SORL1: variants seen among roughly 807,000 people sequenced by gnomAD.
SORL1 encodes the protein sortilin related receptor 1.
SORL1 carries 127 observed loss-of-function variants against 273.7 expected under a neutral mutation model. The observed-to-expected ratio is 0.46, with a 90% CI of 0.40 to 0.54. The LOEUF (loss-of-function observed/expected upper bound fraction) is 0.54, where lower values mean the gene tolerates loss of function less well. SORL1 is among the 20% of genes least tolerant of loss of function. The pLI, the probability that SORL1 is intolerant of heterozygous loss-of-function variation, is 0.00. For missense variants in SORL1, 2,494 were observed against 2,846.1 expected, an observed-to-expected ratio of 0.88 and a Z score of 2.81; for synonymous variants, 1,031 against 1,067.4, an observed-to-expected ratio of 0.97 and a Z score of 0.66.
At chr11:121,522,564 G>T in intron 9 of SORL1, 22 bp from the exon 10 acceptor site, 1 of 1,562,114 alleles carries the variant, frequency 6.4e-7, no homozygotes, top group Non-Finnish European at 8.8e-7. Context: ...TGCTGACACT[G>T]CCTGAAACTT....
chr11:121,516,775 C>T (rs970680007), intron 8 of SORL1, among the ~76,000 whole-genome samples: 15 of 152,090 alleles, frequency 9.9e-5, no homozygotes, highest in Middle Eastern at 3.4e-3. Flanking sequence ...ATTTACTGGC[C>T]GGGCATGGTG....
At chr11:121,558,168 G>C (rs1476641990) in intron 19 of SORL1, among the ~76,000 whole-genome samples, 2 of 152,078 alleles carry the variant, frequency 1.3e-5, no homozygotes, top group African/African-American at 2.4e-5. Context: ...ACACACACAT[G>C]CACGCCAAAT....
Position 121,483,286 on chromosome 11 carries a change from G to T in SORL1, c.529-4746G>T, listed in dbSNP as rs578037772. ...AAAAGGACACTGAATGTACAGTTAGGCCTCACAGCCTCAGCCTCAGCAGAA... is the reference window on the plus strand; with the variant it reads ...AAAAGGACACTGAATGTACAGTTAGTCCTCACAGCCTCAGCCTCAGCAGAA... On this transcript the variant is annotated intron_variant, in intron 3 of 47. Coordinates refer to ENST00000260197, the MANE Select transcript of SORL1 (RefSeq NM_003105.6). 4.6e-5 allele frequency among the ~76,000 whole-genome samples: 7 copies of T among 152,262 alleles called. No homozygotes were observed. In the South Asian group the frequency reaches 1.5e-3, roughly 32 times the overall value.
intron 5 of SORL1, among the ~76,000 whole-genome samples, chr11:121,494,241 A>G (rs1444009635): frequency 1.3e-5 from 2 of 152,180 alleles, no homozygotes; most frequent in Admixed American, 1.3e-4. Context: ...GGTTTATCTC[A>G]TTGAAGCTAA....
chr11:121,468,113 G>A (rs1861113054), intron 1 of SORL1, among the ~76,000 whole-genome samples: 1 of 152,176 alleles, frequency 6.6e-6, no homozygotes, highest in Non-Finnish European at 1.5e-5. Flanking sequence ...AAGTTCGAGT[G>A]TGCTGGGGGG....
intron 13 of SORL1, 67 bp from the exon 14 acceptor site, chr11:121,545,176 G>A (rs1167440068): frequency 6.7e-7 from 1 of 1,490,864 alleles, no homozygotes; most frequent in Non-Finnish European, 9.3e-7. Context: ...CAGGCACCTT[G>A]AGGCATAGCA....
chr11:121,521,870 C>T (rs1042638358), intron 9 of SORL1, among the ~76,000 whole-genome samples: 1 of 152,200 alleles, frequency 6.6e-6, no homozygotes, highest in Non-Finnish European at 1.5e-5. Flanking sequence ...GTGCAGAACC[C>T]TGGCCACATC....
In SORL1 at chr11:121,503,152, G is replaced by A. The variant is rs1269954027; in HGVS notation, c.939+6103G>A. On this transcript the variant is annotated intron_variant, in intron 6 of 47. Transcript: ENST00000260197. ...CCCAAAGTGTTGGGATTGTAGGCAC[G>A]AGCCACCATGCCCAGCCGTGTTTTT... 6.6e-5 allele frequency among the ~76,000 whole-genome samples: 10 copies of A among 152,286 alleles called. No homozygotes were observed. In the East Asian group the frequency reaches 1.2e-3, roughly 18 times the overall value.
chr11:121,585,610 C>T (rs1424708297), intron 26 of SORL1, among the ~76,000 whole-genome samples: 2 of 152,018 alleles, frequency 1.3e-5, no homozygotes, highest in Admixed American at 6.6e-5. Flanking sequence ...GGTTGATCTC[C>T]TCACCTGCCC....
At chr11:121,465,042 T>C (rs2134774627) in intron 1 of SORL1, among the ~76,000 whole-genome samples, 1 of 152,316 alleles carries the variant, frequency 6.6e-6, no homozygotes. Flanking sequence ...TTACATAAAA[T>C]TAGCCATTTT....
At chr11:121,524,719 C>T (rs621092) in intron 11 of SORL1, among the ~76,000 whole-genome samples, 149,812 of 152,164 alleles carry the variant, frequency 0.98, 73,799 homozygotes, top group Middle Eastern at 1. Context: ...GTGCTTTTTT[C>T]TCTTTTTAAA....
intron 1 of SORL1, among the ~76,000 whole-genome samples, chr11:121,457,424 T>C (rs1860925798): frequency 6.6e-6 from 1 of 152,218 alleles, no homozygotes; most frequent in Non-Finnish European, 1.5e-5. Context: ...TTTGTATATC[T>C]TTCCAGAAAC....
At chr11:121,511,870 T>C (rs1861883110) in intron 6 of SORL1, among the ~76,000 whole-genome samples, 4 of 152,234 alleles carry the variant, frequency 2.6e-5, no homozygotes, top group Admixed American at 2.6e-4. Context: ...AGTTAATATC[T>C]ATAATAAACA....
intron 3 of SORL1, among the ~76,000 whole-genome samples, chr11:121,481,897 C>T (rs913408428): frequency 6.7e-6 from 1 of 148,296 alleles, no homozygotes; most frequent in Non-Finnish European, 1.5e-5. Context: ...TCCTCCTCCC[C>T]AGCTCCTCCC....
intron 16 of SORL1, 109 bp from the exon 17 acceptor site, chr11:121,553,828 A>G (rs1036464317): frequency 3.8e-6 from 4 of 1,055,558 alleles, no homozygotes; most frequent in Non-Finnish European, 5.6e-6. Context: ...TCCACACCAC[A>G]TGCCAATGAA....
intron 11 of SORL1, among the ~76,000 whole-genome samples, chr11:121,527,936 G>T (rs1199005284): frequency 6.6e-6 from 1 of 151,652 alleles, no homozygotes; most frequent in East Asian, 1.9e-4. Context: ...ATTTTCTATT[G>T]TCTGTTTTCT....
At chr11:121,455,285 A>G (rs1860884979) in intron 1 of SORL1, among the ~76,000 whole-genome samples, 1 of 152,184 alleles carries the variant, frequency 6.6e-6, no homozygotes, top group Admixed American at 6.5e-5. Flanking sequence ...CATGCAGCGC[A>G]TGGGAGATGG....
At chr11:121,611,241 A>AAAAAAAC (rs375924204) in intron 39 of SORL1, 83 bp downstream of exon 39, 4 of 974,088 alleles carry the variant, frequency 4.1e-6, no homozygotes, top group Non-Finnish European at 6.3e-6. Context: ...GTAAGACTGG[A>AAAAAAAC]AAAAAACAAA....
chr11:121,559,474 A>G, intron 20 of SORL1, 45 bp from the exon 21 acceptor site: 2 of 1,589,694 alleles, frequency 1.3e-6, no homozygotes, highest in East Asian at 2.2e-5. Context: ...GAACCAGAAT[A>G]AAGAACGAAA....
Sources: gnomAD v4.1 joint callset for allele counts (sites outside exome capture counted in the v4.1 genomes callset) on GRCh38, gnomAD v4.1.1 for gene constraint, MANE v1.5 for transcripts, NCBI Gene and HGNC (gene_info 2026-07-23, HGNC 2026-07-21) for gene names.